Variants in NCAM1 observed in about 807,000 individuals in gnomAD.
NCAM1 encodes the protein antigen recognized by monoclonal antibody 5.1H11.
Under a neutral mutation model 109.8 loss-of-function variants are expected in NCAM1, and 14 were observed. The observed-to-expected ratio is 0.13, with a 90% confidence interval of 0.08 to 0.20. The LOEUF is 0.20. NCAM1 is among the 10% of genes least tolerant of loss of function. The pLI, the probability that NCAM1 is intolerant of heterozygous loss-of-function variation, is 1.00. For missense variants in NCAM1, 774 were observed against 1,109.9 expected (o/e 0.70, Z 4.30); for synonymous variants, 418 against 442.9 (o/e 0.94, Z 0.70).
intron 2 of NCAM1, among the ~76,000 whole-genome samples, chr11:113,203,352 A>G (rs904496472): frequency 6.6e-6 from 1 of 152,234 alleles, no homozygotes; most frequent in East Asian, 1.9e-4. Flanking sequence ...CCCACAGCAC[A>G]TCTTGCAAAT....
At chr11:113,182,457 T>C (rs139497756) in intron 1 of NCAM1, among the ~76,000 whole-genome samples, 20 of 152,336 alleles carry the variant, frequency 1.3e-4, no homozygotes, top group African/African-American at 4.8e-4. Flanking sequence ...AGAACGTGCC[T>C]TTTTATGCCT....
intron 14 of NCAM1, chr11:113,240,656 GT>G: frequency 7.1e-6 from 6 of 844,054 alleles, no homozygotes; most frequent in Middle Eastern, 4.5e-4. Flanking sequence ...ACACGGTGTT[GT>G]TCTTCCCACT....
intron 14 of NCAM1, chr11:113,243,052 T>C: frequency 8.9e-6 from 8 of 900,460 alleles, no homozygotes; most frequent in Non-Finnish European, 1.1e-5. Flanking sequence ...AAGAACGGGG[T>C]TGATTATTGG....
intron 1 of NCAM1, among the ~76,000 whole-genome samples, chr11:113,011,431 A>C (rs2135122711): frequency 6.6e-6 from 1 of 151,708 alleles, no homozygotes; most frequent in Non-Finnish European, 1.5e-5. Flanking sequence ...ATACGTGTGC[A>C]TGTGTCTTTA....
chr11:112,976,324 A>T (rs782496891), intron 1 of NCAM1, among the ~76,000 whole-genome samples: 2 of 152,008 alleles, frequency 1.3e-5, no homozygotes, highest in Non-Finnish European at 2.9e-5. Flanking sequence ...CTGTGAGTTT[A>T]ATCTTCACTT....
intron 17 of NCAM1, chr11:113,265,261 C>T (rs372428647): frequency 1.1e-4 from 75 of 655,046 alleles, no homozygotes; most frequent in Middle Eastern, 7.6e-4. Flanking sequence ...GACCCTTTCC[C>T]TCCGCCTCTC....
intron 1 of NCAM1, among the ~76,000 whole-genome samples, chr11:112,999,596 A>G (rs2134959179): frequency 6.6e-6 from 1 of 152,200 alleles, no homozygotes; most frequent in South Asian, 2.1e-4. Flanking sequence ...AGAAAAGTGG[A>G]TGATGCCAAT....
Position 113,040,551 on chromosome 11 carries a change from C to T in NCAM1, c.52+78887C>T, listed in dbSNP as rs77032557. ...AAACTTTATGTACAAAAACAGAAGGCGGGTGAATTTGACTTGCATGCTGTA... is the reference window on the plus strand; with the variant it reads ...AAACTTTATGTACAAAAACAGAAGGTGGGTGAATTTGACTTGCATGCTGTA... On this transcript the variant is annotated intron_variant, in intron 1 of 19. Transcript: ENST00000316851. 5.5e-3 allele frequency among the ~76,000 whole-genome samples: 837 copies of T among 152,230 alleles called. 16 individuals are homozygous for T. The highest frequency in any genetic ancestry group is 0.053 in the East Asian group (274 of 5,184).
At chr11:113,232,915 A>C in intron 12 of NCAM1, 101 bp downstream of exon 12, 1 of 1,166,460 alleles carries the variant, frequency 8.6e-7, no homozygotes, top group Non-Finnish European at 1.3e-6. Flanking sequence ...ATTGGGAAGA[A>C]GAAAGGGCCA....
intron 1 of NCAM1, among the ~76,000 whole-genome samples, chr11:113,164,932 C>T (rs1232569184): frequency 6.6e-6 from 1 of 152,156 alleles, no homozygotes; most frequent in African/African-American, 2.4e-5. Flanking sequence ...CAGGAGCCCA[C>T]CGAAAGTCAA....
chr11:113,103,931 T>C (rs563272603), intron 1 of NCAM1, among the ~76,000 whole-genome samples: 3 of 152,232 alleles, frequency 2.0e-5, no homozygotes, highest in African/African-American at 7.2e-5. Context: ...CTTCCAATAA[T>C]TTAAATATTT....
At chr11:113,061,967 TG>T (rs1937672836) in intron 1 of NCAM1, among the ~76,000 whole-genome samples, 1 of 152,206 alleles carries the variant, frequency 6.6e-6, no homozygotes, top group African/African-American at 2.4e-5. Context: ...GGACCTAGTC[TG>T]TTGCTGTCAC....
At chr11:113,175,732 C>T (rs797042839) in intron 1 of NCAM1, among the ~76,000 whole-genome samples, 3 of 152,278 alleles carry the variant, frequency 2.0e-5, no homozygotes, top group African/African-American at 7.2e-5. Context: ...ATCATACTCC[C>T]CACGTATCTG....
At chr11:113,044,920 AT>A (rs1206223066) in intron 1 of NCAM1, among the ~76,000 whole-genome samples, 1 of 151,762 alleles carries the variant, frequency 6.6e-6, no homozygotes, top group African/African-American at 2.4e-5. Context: ...CGCCTGGCTA[AT>A]TTTTTGTATA....
intron 17 of NCAM1, chr11:113,263,145 T>A: frequency 8.2e-7 from 1 of 1,213,494 alleles, no homozygotes; most frequent in Non-Finnish European, 1.0e-6. Context: ...TGCCCCCTTT[T>A]TAATGGCAGT....
At chr11:113,224,001 A>C (rs1398536712) in intron 9 of NCAM1, among the ~76,000 whole-genome samples, 3 of 152,228 alleles carry the variant, frequency 2.0e-5, no homozygotes, top group Non-Finnish European at 4.4e-5. Context: ...AGCTCCCAGC[A>C]TGAGCGACGC....
chr11:113,068,556 A>G (rs1222033860), intron 1 of NCAM1, among the ~76,000 whole-genome samples: 1 of 152,226 alleles, frequency 6.6e-6, no homozygotes, highest in Non-Finnish European at 1.5e-5. Context: ...GTAATCATAT[A>G]GGTTGTTCAT....
At chr11:113,199,829 TAAAAAA>T (rs1555111558) in intron 1 of NCAM1, among the ~76,000 whole-genome samples, 4 of 115,766 alleles carry the variant, frequency 3.5e-5, no homozygotes, top group African/African-American at 1.0e-4. Flanking sequence ...GAAACACCCT[TAAAAAA>T]AAAAAAAAAA....
chr11:113,174,661 A>G lies in NCAM1; in HGVS notation c.53-27718A>G, dbSNP rs189698978. Reference sequence around the variant, plus strand: ...CTTTAACCTTATTGCAAATTCAGGAATGTGAAAAATTCATATATAGTATGC... The same window carrying G: ...CTTTAACCTTATTGCAAATTCAGGAGTGTGAAAAATTCATATATAGTATGC... On this transcript the variant is annotated intron_variant, in intron 1 of 19. Transcript: ENST00000316851. Among the ~76,000 whole-genome samples the G allele has an allele frequency of 1.1e-3, 170 of 152,310 alleles. 1 individual carries two copies. The highest frequency in any genetic ancestry group is 8.9e-3 in the South Asian group (43 of 4,826).
Sources: gnomAD v4.1 joint callset for allele counts (sites outside exome capture counted in the v4.1 genomes callset) on GRCh38, gnomAD v4.1.1 for gene constraint, MANE v1.5 for transcripts, NCBI Gene and HGNC (gene_info 2026-07-23, HGNC 2026-07-21) for gene names.